The following RANGAP1 variants were observed in gnomAD, a reference collection of about 807,000 sequenced individuals.
RANGAP1 encodes ran GTPase-activating protein 1.
Under a neutral mutation model 63.5 loss-of-function variants are expected in RANGAP1, and 38 were observed. The ratio of observed to expected loss-of-function variants is 0.60; its 90% CI spans 0.46 to 0.78. The LOEUF is 0.78. Among genes scored for constraint, RANGAP1 ranks in the 30% least tolerant of loss-of-function variants. RANGAP1 has a pLI of 0.00. For missense variants in RANGAP1, 630 were observed against 740.3 expected (o/e 0.85, Z 1.73); for synonymous variants, 329 against 310.5 (o/e 1.06, Z -0.63).
At position 41,280,990 on chromosome 22, in the gene RANGAP1, C is replaced by A; in HGVS notation, c.55G>T (p.Ala19Ser). ...LAETLAKTQV[A>S]GGQLSFKGKS... is the part of the protein sequence containing the mutation. The stretch of plus-strand genomic sequence containing the variant: ...CCTTTGAAACTCAGCTGTCCCCCGG[C>A]CACCTGAGTCTTGGCAAGTGTCTCT... The change falls in exon 2 of 16, where the codon GCC becomes TCC. Residue 19 changes from alanine to serine, a missense_variant. This residue lies in a region of RANGAP1 where 65 missense variants were observed against 60.5 expected (regional missense o/e 1.07). Coordinates refer to ENST00000356244, the MANE Select transcript of RANGAP1 (RefSeq NM_002883.4). 1 of 1,613,392 alleles carries A rather than the reference C, an allele frequency of 6.2e-7. No individual in the cohort carries two copies. The highest frequency in any genetic ancestry group is 8.5e-7 in the Non-Finnish European group (1 of 1,179,740).
At chr22:41,297,068 G>A in the RANGAP1 span, among the ~76,000 whole-genome samples, 1 of 152,124 alleles carries the variant, frequency 6.6e-6, no homozygotes, top group Non-Finnish European at 1.5e-5. Context: ...ACATTAGCCG[G>A]GTGTGGTGGC....
chr22:41,277,183 T>C (rs2035202457), intron 2 of RANGAP1, among the ~76,000 whole-genome samples: 2 of 143,816 alleles, frequency 1.4e-5, no homozygotes, highest in Admixed American at 1.4e-4. Flanking sequence ...GTTCACGCCA[T>C]TCTCCTGCCT....
chr22:41,264,960 A>G (rs139520), intron 4 of RANGAP1, 117 bp from the exon 5 acceptor site: 783,916 of 1,014,278 alleles, frequency 0.77, 304,121 homozygotes, highest in Admixed American at 0.84. Context: ...TGCAGAACCA[A>G]CACAGACACA....
At chr22:41,261,606 G>T (rs1206380965) in intron 5 of RANGAP1, 26 bp from the exon 6 acceptor site, 2 of 1,613,928 alleles carry the variant, frequency 1.2e-6, no homozygotes, top group Non-Finnish European at 1.7e-6. Context: ...AGGGGCCCTG[G>T]TCATGGGCAG....
At position 41,254,383 on chromosome 22, in the gene RANGAP1, TTCC is replaced by T. The variant is rs754504580; in HGVS notation, c.1182_1184del (p.Glu397del). The stretch of plus-strand genomic sequence containing the variant: ...CCTGCCCTCGCTGCTGAGGCTCTTC[TTCC>T]TCCTCCTCCTCCTCTTCTTCCTCCT... On this transcript the variant is annotated inframe_deletion, in exon 11 of 16. Coordinates refer to ENST00000356244, the MANE Select transcript of RANGAP1 (RefSeq NM_002883.4). 546 of 1,613,366 alleles carry T rather than the reference TTCC, an allele frequency of 3.4e-4. 1 individual carries two copies. The highest frequency in any genetic ancestry group is 1.8e-3 in the East Asian group (79 of 44,854).
In RANGAP1 at chr22:41,261,491, G is replaced by T. The variant is rs1191427350; in HGVS notation, c.570C>A (p.Asn190Lys). 1 of 1,614,226 alleles carries T rather than the reference G, an allele frequency of 6.2e-7. No individual in the cohort carries two copies. Among genetic ancestry groups the T allele is most frequent in the Middle Eastern group, 1.6e-4 (1 of 6,062 alleles). Residue 190 changes from asparagine (N) to lysine (K), a missense_variant, in exon 6 of 16, where the codon AAC becomes AAA. Asn to Lys is a moderately conservative substitution (Grantham distance 94, BLOSUM62 0). This residue lies in a region of RANGAP1 where 137 missense variants were observed against 214.3 expected (regional missense o/e 0.64). Transcript: ENST00000356244. Reference sequence around the variant, plus strand: ...CAGTGGCGCCATCATTCTCCAGACGGTTTCTGCCAGCCACAAAGACCTTCA... The same window carrying T: ...CAGTGGCGCCATCATTCTCCAGACGTTTTCTGCCAGCCACAAAGACCTTCA... Reference protein sequence around the residue: ...LALKVFVAGRNRLENDGATAL... With the variant: ...LALKVFVAGRKRLENDGATAL...
At chr22:41,280,554 G>A in intron 2 of RANGAP1, 2 of 589,576 alleles carry the variant, frequency 3.4e-6, no homozygotes, top group South Asian at 3.4e-5. Flanking sequence ...GGGGAAAGCT[G>A]CAGCTATTCC....
At chr22:41,299,953 G>A in the RANGAP1 span, among the ~76,000 whole-genome samples, 1 of 151,712 alleles carries the variant, frequency 6.6e-6, no homozygotes, top group African/African-American at 2.4e-5. Flanking sequence ...GGGTTTCACC[G>A]TGTTAGCCAG....
intron 4 of RANGAP1, 58 bp from the exon 5 acceptor site, chr22:41,264,901 C>T (rs1440172484): frequency 1.3e-6 from 2 of 1,524,862 alleles, no homozygotes; most frequent in African/African-American, 1.4e-5. Context: ...GTGCTGGGTG[C>T]TGCTTCTGTG....
chr22:41,270,976 G>A (rs2034782824), intron 3 of RANGAP1, among the ~76,000 whole-genome samples: 2 of 152,118 alleles, frequency 1.3e-5, no homozygotes, highest in African/African-American at 2.4e-5. Context: ...ACACCGCCTG[G>A]CTTCCAATCC....
At chr22:41,272,407 G>A (rs1444676227) in intron 3 of RANGAP1, among the ~76,000 whole-genome samples, 13 of 152,062 alleles carry the variant, frequency 8.5e-5, no homozygotes, top group African/African-American at 2.4e-5. Context: ...AGGCCCTTCC[G>A]GCGTGAATCC....
intron 2 of RANGAP1, 113 bp downstream of exon 2, chr22:41,280,820 G>A: frequency 4.5e-6 from 7 of 1,546,562 alleles, no homozygotes; most frequent in Non-Finnish European, 6.1e-6. Flanking sequence ...TCACAGAGCT[G>A]CTGGGACAAA....
the RANGAP1 span, among the ~76,000 whole-genome samples, chr22:41,295,330 G>A: frequency 6.6e-6 from 1 of 151,686 alleles, no homozygotes; most frequent in Non-Finnish European, 1.5e-5. Flanking sequence ...AGACATGGGA[G>A]ACTTTTCATT....
chr22:41,285,808 A>G (rs2145868703), intron 1 of RANGAP1, 178 bp downstream of exon 1: 1 of 741,182 alleles, frequency 1.3e-6, no homozygotes, highest in Non-Finnish European at 1.6e-6. Flanking sequence ...TTGTGAAAGG[A>G]GCCAGCGCCG....
chr22:41,280,500 G>A (rs1367583386), intron 2 of RANGAP1, among the ~76,000 whole-genome samples: 1 of 152,202 alleles, frequency 6.6e-6, no homozygotes, highest in African/African-American at 2.4e-5. Flanking sequence ...TCTCCCAAGA[G>A]GGCCCAGGTT....
At chr22:41,274,132 G>C (rs1302548878) in intron 3 of RANGAP1, among the ~76,000 whole-genome samples, 9 of 151,438 alleles carry the variant, frequency 5.9e-5, no homozygotes, top group Admixed American at 5.3e-4. Flanking sequence ...GGAGCTGGCA[G>C]TCTCCAGCTA....
intron 2 of RANGAP1, 170 bp downstream of exon 2, chr22:41,280,763 G>A (rs952149194): frequency 5.9e-6 from 9 of 1,526,702 alleles, no homozygotes; most frequent in South Asian, 2.4e-5. Context: ...CTTGCTCCTG[G>A]GCAAATGATC....
chr22:41,249,648 G>C, intron 14 of RANGAP1, 81 bp downstream of exon 14: 1 of 1,546,376 alleles, frequency 6.5e-7, no homozygotes, highest in Non-Finnish European at 8.9e-7. Flanking sequence ...AGGTGAGGGA[G>C]GTTGGCGGGC....
chr22:41,256,603 TG>T, intron 8 of RANGAP1, 107 bp downstream of exon 8: 2 of 919,384 alleles, frequency 2.2e-6, no homozygotes, highest in Non-Finnish European at 3.3e-6. Flanking sequence ...GTGGAGGAGC[TG>T]GGATATGGAC....
Sources: allele counts gnomAD v4.1 joint callset (sites outside exome capture counted in the v4.1 genomes callset), GRCh38; gene constraint gnomAD v4.1.1; regional missense constraint gnomAD v4.1.1; transcripts MANE v1.5; gene names NCBI Gene and HGNC (gene_info 2026-07-23, HGNC 2026-07-21).